INPP4B: variants seen among roughly 807,000 people sequenced by gnomAD.
INPP4B encodes inositol polyphosphate 4-phosphatase type II.
A neutral mutation model predicts 122.5 loss-of-function variants in INPP4B; 55 were observed. The ratio of observed to expected loss-of-function variants is 0.45; its 90% CI spans 0.36 to 0.56. The LOEUF (loss-of-function observed/expected upper bound fraction) is 0.56, where lower values mean the gene tolerates loss of function less well. Ranked by LOEUF, INPP4B falls within the 20% of genes least tolerant of loss-of-function variation. INPP4B has a pLI of 0.00. For synonymous variants in INPP4B, 403 were observed against 388.7 expected, an observed-to-expected ratio of 1.04 and a Z score of -0.43; for missense variants, 1,000 against 1,097.7, an observed-to-expected ratio of 0.91 and a Z score of 1.26.
At chr4:142,219,942 C>T (rs566989011) in intron 12 of INPP4B, among the ~76,000 whole-genome samples, 30 of 152,304 alleles carry the variant, frequency 2.0e-4, no homozygotes, top group African/African-American at 7.0e-4. Flanking sequence ...CATTGCCCCA[C>T]AGCTGCACCA....
intron 2 of INPP4B, among the ~76,000 whole-genome samples, chr4:142,511,441 C>T (rs915872018): frequency 1.3e-5 from 2 of 152,072 alleles, no homozygotes; most frequent in African/African-American, 4.8e-5. Flanking sequence ...TCTAGAAATC[C>T]TCTGTAGACA....
At chr4:142,340,879 G>A (rs969558610) in intron 7 of INPP4B, among the ~76,000 whole-genome samples, 1 of 152,062 alleles carries the variant, frequency 6.6e-6, no homozygotes, top group Non-Finnish European at 1.5e-5. Flanking sequence ...AGGTCTTTAA[G>A]TACCATCTGG....
intron 7 of INPP4B, among the ~76,000 whole-genome samples, chr4:142,342,407 C>T (rs1778978415): frequency 6.6e-6 from 1 of 152,100 alleles, no homozygotes; most frequent in Admixed American, 6.6e-5. Context: ...CAGTCCTAAA[C>T]AAAATTGAGA....
intron 25 of INPP4B, among the ~76,000 whole-genome samples, chr4:142,075,304 C>G (rs1449691117): frequency 6.6e-6 from 1 of 151,864 alleles, no homozygotes; most frequent in Non-Finnish European, 1.5e-5. Flanking sequence ...ACAGGATATC[C>G]TAACTTGCCA....
chr4:142,228,895 T>C (rs1852821809), intron 12 of INPP4B, among the ~76,000 whole-genome samples: 1 of 151,590 alleles, frequency 6.6e-6, no homozygotes, highest in Non-Finnish European at 1.5e-5. Context: ...AATATATAGA[T>C]AAATGTTCAA....
chr4:142,040,435 G>T (rs1456373517), intron 25 of INPP4B, among the ~76,000 whole-genome samples: 2 of 152,194 alleles, frequency 1.3e-5, no homozygotes, highest in African/African-American at 4.8e-5. Flanking sequence ...AAAGCTCAGT[G>T]CAAGGGAAGA....
At chr4:142,136,316 G>C (rs1804219976) in intron 18 of INPP4B, among the ~76,000 whole-genome samples, 1 of 152,214 alleles carries the variant, frequency 6.6e-6, no homozygotes, top group African/African-American at 2.4e-5. Flanking sequence ...AAGCCTCCAA[G>C]GCCCGGGTAC....
chr4:142,641,835 AT>A (rs1236997888), intron 2 of INPP4B, among the ~76,000 whole-genome samples: 1 of 152,200 alleles, frequency 6.6e-6, no homozygotes, highest in Non-Finnish European at 1.5e-5. Context: ...TCCCTGAGGA[AT>A]CACCACACTG....
intron 2 of INPP4B, among the ~76,000 whole-genome samples, chr4:142,469,275 G>A (rs775850571): frequency 1.3e-5 from 2 of 151,890 alleles, no homozygotes; most frequent in Non-Finnish European, 2.9e-5. Context: ...CCCAATAGCA[G>A]CTATAATAAT....
chr4:142,462,347 G>A (rs746690556), intron 3 of INPP4B, among the ~76,000 whole-genome samples: 30 of 151,986 alleles, frequency 2.0e-4, no homozygotes, highest in South Asian at 6.2e-4. Flanking sequence ...CTATAAAATC[G>A]CCTTACAGAT....
intron 21 of INPP4B, among the ~76,000 whole-genome samples, chr4:142,115,895 G>A (rs1027151793): frequency 1.3e-5 from 2 of 152,102 alleles, no homozygotes. Flanking sequence ...AGACCCATCA[G>A]TGTGCTGTAT....
At chr4:142,806,857 GA>G (rs1473592280) in intron 1 of INPP4B, among the ~76,000 whole-genome samples, 1 of 141,572 alleles carries the variant, frequency 7.1e-6, no homozygotes, top group Non-Finnish European at 1.6e-5. Context: ...GAAAGGAGAA[GA>G]AAAAGAAACA....
intron 9 of INPP4B, among the ~76,000 whole-genome samples, chr4:142,272,942 G>A (rs928960350): frequency 1.3e-5 from 2 of 151,926 alleles, no homozygotes; most frequent in African/African-American, 4.8e-5. Flanking sequence ...GCCTACGTAT[G>A]ATATTCTAAA....
chr4:142,191,730 G>T (rs1835914726), intron 15 of INPP4B, among the ~76,000 whole-genome samples: 1 of 152,038 alleles, frequency 6.6e-6, no homozygotes, highest in African/African-American at 2.4e-5. Context: ...TTATAATAGT[G>T]ATGGTTATTC....
chr4:142,136,695 A>G (rs772004948), intron 18 of INPP4B, among the ~76,000 whole-genome samples: 4 of 152,188 alleles, frequency 2.6e-5, no homozygotes, highest in Non-Finnish European at 4.4e-5. Context: ...GGCCTGTAAA[A>G]AAGGGAGAAA....
chr4:142,672,372 C>T (rs1229103888), intron 2 of INPP4B, among the ~76,000 whole-genome samples: 1 of 152,102 alleles, frequency 6.6e-6, no homozygotes, highest in African/African-American at 2.4e-5. Context: ...TTTGAGACTT[C>T]CAGCTATTCT....
At chr4:142,166,733 T>G (rs1300907886) in intron 16 of INPP4B, among the ~76,000 whole-genome samples, 1 of 151,160 alleles carries the variant, frequency 6.6e-6, no homozygotes, top group East Asian at 1.9e-4. Flanking sequence ...GAAAAGTACA[T>G]GAACAGATTC....
chr4:142,078,412 C>T (rs1038943310), intron 25 of INPP4B, among the ~76,000 whole-genome samples: 3 of 151,946 alleles, frequency 2.0e-5, no homozygotes, highest in Non-Finnish European at 2.9e-5. Context: ...TGCACAATAC[C>T]ACCAAATACA....
intron 2 of INPP4B, chr4:142,583,464 G>A (rs767229910): frequency 1.3e-5 from 2 of 152,072 alleles, no homozygotes; most frequent in Non-Finnish European, 1.5e-5. Flanking sequence ...ATCAACCCAG[G>A]CCATGGAGCT....
Sources: allele counts gnomAD v4.1 joint callset (sites outside exome capture counted in the v4.1 genomes callset), GRCh38; gene constraint gnomAD v4.1.1; transcripts MANE v1.5; gene names NCBI Gene and HGNC (gene_info 2026-07-23, HGNC 2026-07-21).